Variants in TAS2R1 observed in about 807,000 individuals in gnomAD.
The protein encoded by TAS2R1 is taste 2 receptor member 1, also known as taste receptor type 2 member 1.
For synonymous variants in TAS2R1, 141 were observed against 134.2 expected, an observed-to-expected ratio of 1.05 and a Z score of -0.35; for missense variants, 370 against 353.4, an observed-to-expected ratio of 1.05 and a Z score of -0.38.
At chr5:9,752,431 A>G in the TAS2R1 span, among the ~76,000 whole-genome samples, 1 of 152,054 alleles carries the variant, frequency 6.6e-6, no homozygotes, top group Non-Finnish European at 1.5e-5. Flanking sequence ...TAAATGTCTG[A>G]TATCCCTCTT....
At chr5:9,810,591 G>T in the TAS2R1 span, among the ~76,000 whole-genome samples, 1 of 152,132 alleles carries the variant, frequency 6.6e-6, no homozygotes, top group Non-Finnish European at 1.5e-5. Context: ...AAGAAGGTTT[G>T]AGATAAGGAT....
At chr5:9,808,680 T>C in the TAS2R1 span, among the ~76,000 whole-genome samples, 1 of 151,982 alleles carries the variant, frequency 6.6e-6, no homozygotes, top group African/African-American at 2.4e-5. Context: ...TGAGACAGAA[T>C]GAAGGCTGCA....
chr5:9,683,511 A>G (rs541008531), intron 1 of TAS2R1, among the ~76,000 whole-genome samples: 2 of 152,306 alleles, frequency 1.3e-5, no homozygotes, highest in East Asian at 3.9e-4. Context: ...CTAATGCTCA[A>G]GCAGACATGC....
chr5:9,763,964 A>G, the TAS2R1 span, among the ~76,000 whole-genome samples: 6 of 152,362 alleles, frequency 3.9e-5, no homozygotes, highest in African/African-American at 1.4e-4. Flanking sequence ...GAATCTAATT[A>G]CTTCCCAACT....
At chr5:9,900,618 GT>G in the TAS2R1 span, among the ~76,000 whole-genome samples, 41,765 of 119,564 alleles carry the variant, frequency 0.35, 7,150 homozygotes, top group East Asian at 0.54. Context: ...TGCTCAAATG[GT>G]TTTTTTTTTT....
the TAS2R1 span, among the ~76,000 whole-genome samples, chr5:9,753,250 T>G: frequency 1.4e-4 from 21 of 152,190 alleles, no homozygotes; most frequent in African/African-American, 4.8e-4. Context: ...TCTAACTGGT[T>G]TGAGATGGTA....
chr5:9,683,764 A>G (rs1488507780), intron 1 of TAS2R1, among the ~76,000 whole-genome samples: 1 of 152,178 alleles, frequency 6.6e-6, no homozygotes, highest in African/African-American at 2.4e-5. Context: ...ATGGGCTTCT[A>G]TGAGCTGGAA....
chr5:9,742,761 G>A, the TAS2R1 span, among the ~76,000 whole-genome samples: 963 of 152,236 alleles, frequency 6.3e-3, 1 homozygote, highest in Non-Finnish European at 0.011. Flanking sequence ...TCATGAGTTA[G>A]GTAGGGCTTG....
chr5:9,862,135 C>G, the TAS2R1 span, among the ~76,000 whole-genome samples: 6 of 152,096 alleles, frequency 3.9e-5, no homozygotes, highest in Non-Finnish European at 8.8e-5. Flanking sequence ...ACTGGCAAAT[C>G]CATTAGGAGC....
At chr5:9,839,898 A>G in the TAS2R1 span, among the ~76,000 whole-genome samples, 2 of 152,058 alleles carry the variant, frequency 1.3e-5, no homozygotes, top group Non-Finnish European at 2.9e-5. Context: ...ATCGATTTTT[A>G]TATTTCTAGG....
chr5:9,844,618 C>T, the TAS2R1 span, among the ~76,000 whole-genome samples: 1 of 152,190 alleles, frequency 6.6e-6, no homozygotes, highest in Non-Finnish European at 1.5e-5. Flanking sequence ...TTCAGCACAT[C>T]TCCCCTCCTA....
chr5:9,752,100 C>T, the TAS2R1 span, among the ~76,000 whole-genome samples: 4 of 152,164 alleles, frequency 2.6e-5, no homozygotes, highest in Middle Eastern at 6.3e-3. Flanking sequence ...ATGATCGATA[C>T]CCACAGGCAT....
At chr5:9,753,681 G>A in the TAS2R1 span, among the ~76,000 whole-genome samples, 3 of 152,154 alleles carry the variant, frequency 2.0e-5, no homozygotes, top group Non-Finnish European at 4.4e-5. Flanking sequence ...ATGGTTTCAG[G>A]TCTAACATTT....
At chr5:9,716,429 C>T (rs1356362493), upstream of TAS2R1, among the ~76,000 whole-genome samples, 2 of 152,032 alleles carry the variant, frequency 1.3e-5, no homozygotes, top group Admixed American at 6.5e-5. Flanking sequence ...TGACAAGGAC[C>T]CTGCTTTTAG....
intron 1 of TAS2R1, among the ~76,000 whole-genome samples, chr5:9,677,316 T>C (rs565602128): frequency 1.3e-5 from 2 of 152,184 alleles, no homozygotes; most frequent in African/African-American, 2.4e-5. Flanking sequence ...ACTGGCTTAA[T>C]ACCTGGGTGA....
the TAS2R1 span, among the ~76,000 whole-genome samples, chr5:9,826,857 T>C: frequency 6.6e-6 from 1 of 152,152 alleles, no homozygotes; most frequent in African/African-American, 2.4e-5. Flanking sequence ...CACCCCTTGA[T>C]TTTCCTGCCT....
At chr5:9,655,221 G>T (rs1164342640) in intron 2 of TAS2R1, among the ~76,000 whole-genome samples, 1 of 152,184 alleles carries the variant, frequency 6.6e-6, no homozygotes, top group Non-Finnish European at 1.5e-5. Flanking sequence ...TCTACATTTT[G>T]ATTGTAATCA....
At chr5:9,865,570 T>G in the TAS2R1 span, among the ~76,000 whole-genome samples, 141 of 152,374 alleles carry the variant, frequency 9.3e-4, no homozygotes, top group African/African-American at 3.1e-3. Flanking sequence ...CTGTTTTCTT[T>G]AACACAAATG....
chr5:9,643,218 A>G (rs1390141692), intron 2 of TAS2R1, among the ~76,000 whole-genome samples: 2 of 152,218 alleles, frequency 1.3e-5, no homozygotes, highest in African/African-American at 4.8e-5. Context: ...CAAACATCAT[A>G]GAGTGCACTT....
Sources: allele counts gnomAD v4.1 joint callset (sites outside exome capture counted in the v4.1 genomes callset), GRCh38; gene constraint gnomAD v4.1.1; transcripts MANE v1.5; gene names NCBI Gene and HGNC (gene_info 2026-07-23, HGNC 2026-07-21).